The following SHROOM3 variants were observed in gnomAD, a reference collection of about 807,000 sequenced individuals.
The protein encoded by SHROOM3 is protein Shroom3.
Under a neutral mutation model 138.6 loss-of-function variants are expected in SHROOM3, and 47 were observed. The observed-to-expected ratio is 0.34, with a 90% CI of 0.27 to 0.43. SHROOM3 has a LOEUF of 0.43. Among genes scored for constraint, SHROOM3 ranks in the 20% least tolerant of loss-of-function variants. The pLI, the probability that SHROOM3 is intolerant of heterozygous loss-of-function variation, is 1.00. For missense variants in SHROOM3, 2,491 were observed against 2,596.5 expected, an observed-to-expected ratio of 0.96 and a Z score of 0.88; for synonymous variants, 1,062 against 1,063.3, an observed-to-expected ratio of 1.00 and a Z score of 0.02.
chr4:76,658,181 A>G (rs947297300), intron 2 of SHROOM3, among the ~76,000 whole-genome samples: 1 of 152,246 alleles, frequency 6.6e-6, no homozygotes, highest in East Asian at 1.9e-4. Flanking sequence ...ACCGACTGTG[A>G]GGATGTGAAG....
At chr4:76,640,173 AG>A (rs1381655069) in intron 2 of SHROOM3, among the ~76,000 whole-genome samples, 1 of 152,074 alleles carries the variant, frequency 6.6e-6, no homozygotes, top group African/African-American at 2.4e-5. Flanking sequence ...ATACCCTGTG[AG>A]GGGGTGAGGG....
chr4:76,570,668 G>A (rs1733817564), intron 2 of SHROOM3, among the ~76,000 whole-genome samples: 1 of 152,076 alleles, frequency 6.6e-6, no homozygotes, highest in Admixed American at 6.5e-5. Flanking sequence ...AAACTTGTGG[G>A]TTTACAATGC....
intron 1 of SHROOM3, among the ~76,000 whole-genome samples, chr4:76,521,735 T>C (rs898334607): frequency 6.6e-6 from 1 of 152,222 alleles, no homozygotes; most frequent in Non-Finnish European, 1.5e-5. Context: ...TGGGTTTCAG[T>C]ATAGATCACT....
At chr4:76,489,740 T>A (rs4516740) in intron 1 of SHROOM3, among the ~76,000 whole-genome samples, 1 of 151,946 alleles carries the variant, frequency 6.6e-6, no homozygotes, top group African/African-American at 2.4e-5. Flanking sequence ...CCTTTGTCAA[T>A]AGAAAAAGAC....
At chr4:76,470,373 G>C (rs571366706) in intron 1 of SHROOM3, among the ~76,000 whole-genome samples, 1 of 152,230 alleles carries the variant, frequency 6.6e-6, no homozygotes, top group African/African-American at 2.4e-5. Context: ...TTAAAAACAG[G>C]ACTTGGAAAG....
chr4:76,447,188 T>C (rs1730824290), intron 1 of SHROOM3, among the ~76,000 whole-genome samples: 1 of 152,140 alleles, frequency 6.6e-6, no homozygotes, highest in African/African-American at 2.4e-5. Context: ...CATTGTGACA[T>C]GAATTTGAAG....
intron 2 of SHROOM3, chr4:76,644,182 C>T (rs935106997): frequency 2.0e-5 from 3 of 151,728 alleles, no homozygotes; most frequent in African/African-American, 7.3e-5. Context: ...GCTGTATTAC[C>T]ATCATTTATG....
chr4:76,762,596 T>TCC (rs1260021352), intron 9 of SHROOM3, among the ~76,000 whole-genome samples: 1 of 152,210 alleles, frequency 6.6e-6, no homozygotes, highest in East Asian at 1.9e-4. Context: ...GGTTCCTTCT[T>TCC]CCCTCAATCC....
intron 2 of SHROOM3, among the ~76,000 whole-genome samples, chr4:76,608,583 A>ACAGAGATG (rs1734677804): frequency 2.0e-4 from 20 of 100,284 alleles, no homozygotes; most frequent in African/African-American, 6.2e-4. Flanking sequence ...AGCATAGCAT[A>ACAGAGATG]GCATAGCATA....
chr4:76,616,333 TAAAC>T (rs919845755), intron 2 of SHROOM3, among the ~76,000 whole-genome samples: 1 of 152,062 alleles, frequency 6.6e-6, no homozygotes, highest in African/African-American at 2.4e-5. Context: ...ACAAATTACA[TAAAC>T]AATAATCTGA....
chr4:76,597,361 G>A (rs982579171), intron 2 of SHROOM3, among the ~76,000 whole-genome samples: 4 of 152,166 alleles, frequency 2.6e-5, no homozygotes, highest in South Asian at 2.1e-4. Context: ...TGTGGCTATC[G>A]GGGCAGGCCA....
chr4:76,453,976 T>A lies in SHROOM3; in HGVS notation c.168+17756T>A, dbSNP rs1730977650. ...CCAATGTCATGAAACTTTCCTCTAT[T>A]TTTTTCTAAGAGTTTTCTAGTTTTA... On this transcript the variant is annotated intron_variant, in intron 1 of 10. Transcript: ENST00000296043. Among the ~76,000 whole-genome samples the A allele has an allele frequency of 2.0e-5, 3 of 152,220 alleles. No homozygotes were observed. The South Asian group carries it at 6.2e-4, about 31-fold the overall frequency.
At chr4:76,516,549 G>T (rs1434333344) in intron 1 of SHROOM3, among the ~76,000 whole-genome samples, 1 of 151,384 alleles carries the variant, frequency 6.6e-6, no homozygotes, top group Non-Finnish European at 1.5e-5. Context: ...GATACTCTCA[G>T]ATAACAGCAC....
In SHROOM3 at chr4:76,730,784, T is replaced by C. The variant is rs1578001265; in HGVS notation, c.456-20T>C. ...TGAGACTTTGGCTAATGTTGGGGGG[T>C]CCCTCCTGTGTCTCCCCAGGCGCAG... is the stretch of plus-strand genomic sequence containing the variant. On this transcript the variant is annotated intron_variant, in intron 3 of 10. Transcript: ENST00000296043. The C allele has an allele frequency of 6.2e-7, 1 of 1,613,352 alleles. No homozygotes were observed.
chr4:76,529,903 G>T (rs1293681150), intron 1 of SHROOM3, among the ~76,000 whole-genome samples: 1 of 152,136 alleles, frequency 6.6e-6, no homozygotes, highest in Admixed American at 6.5e-5. Flanking sequence ...TAGTAGTTTT[G>T]TTCTAGGGCT....
At chr4:76,461,974 G>T (rs930184405) in intron 1 of SHROOM3, among the ~76,000 whole-genome samples, 2 of 152,176 alleles carry the variant, frequency 1.3e-5, no homozygotes, top group African/African-American at 2.4e-5. Context: ...TCTTCCAAGG[G>T]TGTGATAATT....
intron 2 of SHROOM3, among the ~76,000 whole-genome samples, chr4:76,609,009 T>TA (rs149360726): frequency 0.022 from 3,389 of 152,254 alleles, 136 homozygotes; most frequent in African/African-American, 0.077. Flanking sequence ...AAATAAAACT[T>TA]AGGGGTATAG....
chr4:76,553,956 A>G (rs1054071304), intron 1 of SHROOM3, among the ~76,000 whole-genome samples: 7 of 152,246 alleles, frequency 4.6e-5, no homozygotes, highest in African/African-American at 1.7e-4. Flanking sequence ...TGATGAACCT[A>G]CATGGACATC....
At chr4:76,710,063 GT>G in intron 2 of SHROOM3, 92 bp from the exon 3 acceptor site, 1 of 1,581,108 alleles carries the variant, frequency 6.3e-7, no homozygotes, top group Non-Finnish European at 8.7e-7. Flanking sequence ...TCCGGGGTTC[GT>G]TTTCATGTGC....
Sources: allele counts gnomAD v4.1 joint callset (sites outside exome capture counted in the v4.1 genomes callset), GRCh38; gene constraint gnomAD v4.1.1; transcripts MANE v1.5; gene names NCBI Gene and HGNC (gene_info 2026-07-23, HGNC 2026-07-21).